GTF2A2: variants seen among roughly 807,000 people sequenced by gnomAD.
The protein encoded by GTF2A2 is transcription initiation factor IIA subunit 2.
In GTF2A2, 9 loss-of-function variants were observed where a neutral mutation model predicts 14.3. That is an observed-to-expected ratio of 0.63 (90% CI 0.38 to 1.10). GTF2A2 has a LOEUF of 1.10. Among genes scored for constraint, GTF2A2 ranks in the 50% least tolerant of loss-of-function variants. The pLI is 0.01. For missense variants in GTF2A2, 90 were observed against 124.6 expected (o/e 0.72, Z 1.32); for synonymous variants, 56 against 46.0 (o/e 1.22, Z -0.88).
intron 1 of GTF2A2, among the ~76,000 whole-genome samples, chr15:59,656,559 G>T (rs1249492379): frequency 6.6e-6 from 1 of 151,698 alleles, no homozygotes; most frequent in Admixed American, 6.6e-5. Flanking sequence ...TAGGCGTCTA[G>T]AACAGTACCT....
At chr15:59,652,078 T>G in intron 2 of GTF2A2, 128 bp downstream of exon 2, 1 of 624,310 alleles carries the variant, frequency 1.6e-6, no homozygotes, top group Non-Finnish European at 2.8e-6. Flanking sequence ...ATTTAATCAG[T>G]GTTACTGACT....
At chr15:59,649,666 GAT>G (rs1234468346) in intron 3 of GTF2A2, among the ~76,000 whole-genome samples, 1 of 152,148 alleles carries the variant, frequency 6.6e-6, no homozygotes, top group Non-Finnish European at 1.5e-5. Flanking sequence ...ACATGAAACT[GAT>G]ATATGAGACT....
Position 59,639,145 on chromosome 15 carries a change from T to C in GTF2A2, c.317A>G (p.Asn106Ser), listed in dbSNP as rs369956750. Residue 106 changes from asparagine (N) to serine (S), a missense_variant, in exon 5 of 5, where the codon AAT (asparagine) becomes AGT (serine). Coordinates refer to ENST00000396060, the MANE Select transcript of GTF2A2 (RefSeq NM_004492.3). The stretch of plus-strand genomic sequence containing the variant: ...TATTTTTTCTATTCATTCTGTAGTA[T>C]TGGAGCCAGTATCTAGGAAACAAAA... ...VACDGKNTGS[N>S]TTE 3.2e-5 allele frequency: 46 copies of C among 1,456,530 alleles called. No homozygotes were observed. Among genetic ancestry groups the C allele is most frequent in the African/African-American group, 7.0e-5 (5 of 71,202 alleles). 90.2% of individuals were successfully genotyped at this position (1,456,530 alleles called of 1,614,324 possible). A position where few individuals can be genotyped will look rare whatever the true frequency, so the allele number is the denominator to read the frequency against.
At chr15:59,654,773 G>C (rs1466905138) in intron 1 of GTF2A2, among the ~76,000 whole-genome samples, 1 of 152,186 alleles carries the variant, frequency 6.6e-6, no homozygotes, top group Non-Finnish European at 1.5e-5. Flanking sequence ...GCCACATCCA[G>C]CTACCTACCA....
intron 3 of GTF2A2, among the ~76,000 whole-genome samples, chr15:59,648,199 G>C (rs550759631): frequency 3.3e-5 from 5 of 151,956 alleles, no homozygotes; most frequent in African/African-American, 9.7e-5. Context: ...ATGAGGTCAG[G>C]AGTTCGAGAC....
intron 1 of GTF2A2, chr15:59,652,901 G>A (rs1891836431): frequency 6.6e-6 from 1 of 152,152 alleles, no homozygotes; most frequent in Admixed American, 6.6e-5. Context: ...CTGTAGAAGT[G>A]AGCTGGCTCA....
chr15:59,648,863 G>A (rs1301701967), intron 3 of GTF2A2, among the ~76,000 whole-genome samples: 10 of 152,060 alleles, frequency 6.6e-5, no homozygotes, highest in Admixed American at 2.6e-4. Context: ...GAACCCGGGA[G>A]GCGGAGCTTG....
chr15:59,638,976 G>GCTACAGAGTTACAAGTTTCTTT lies in GTF2A2; in HGVS notation c.*134_*155dup, dbSNP rs1891282261. 3 of 619,046 alleles carry GCTACAGAGTTACAAGTTTCTTT rather than the reference G, an allele frequency of 4.8e-6. No individual in the cohort carries two copies. Among genetic ancestry groups the GCTACAGAGTTACAAGTTTCTTT allele is most frequent in the Non-Finnish European group, 8.8e-6 (3 of 339,494 alleles). 38.3% of individuals were successfully genotyped at this position (619,046 alleles called of 1,614,324 possible). A position where few individuals can be genotyped will look rare whatever the true frequency, so the allele number is the denominator to read the frequency against. ...CTGTATAATAAAGGTGATGTAAGAG[G>GCTACAGAGTTACAAGTTTCTTT]CTACAGAGTTACAAGTTTCTTTCTA... is the stretch of plus-strand genomic sequence containing the variant. On this transcript the variant is annotated 3_prime_UTR_variant, in exon 5 of 5. Transcript: ENST00000396060.
chr15:59,640,488 A>G (rs1189259198), intron 4 of GTF2A2, among the ~76,000 whole-genome samples: 4 of 152,248 alleles, frequency 2.6e-5, no homozygotes, highest in Admixed American at 6.5e-5. Context: ...ACCACTGGCT[A>G]GCCATATGTG....
intron 4 of GTF2A2, among the ~76,000 whole-genome samples, chr15:59,641,040 A>C (rs1891402845): frequency 6.6e-6 from 1 of 152,186 alleles, no homozygotes; most frequent in Admixed American, 6.5e-5. Context: ...AAAGGGCTTA[A>C]GGTGTAATTT....
At chr15:59,656,780 A>G (rs1473901740) in intron 1 of GTF2A2, 1 of 152,224 alleles carries the variant, frequency 6.6e-6, no homozygotes, top group Non-Finnish European at 1.5e-5. Context: ...CCTGCGTTAA[A>G]CGTTTGTTAA....
intron 3 of GTF2A2, among the ~76,000 whole-genome samples, chr15:59,648,364 C>T (rs1324300320): frequency 2.8e-5 from 4 of 141,718 alleles, no homozygotes; most frequent in African/African-American, 5.3e-5. Flanking sequence ...GCCGAGATTG[C>T]GCCACTGCAT....
rs1566921303 is a variant in GTF2A2 at position 59,638,889 on chromosome 15, T to TA, written c.*242dup. On this transcript the variant is annotated 3_prime_UTR_variant, in exon 5 of 5. Coordinates refer to ENST00000396060, the MANE Select transcript of GTF2A2 (RefSeq NM_004492.3). ...ACTCAGAGTTTTAAAATGAGTTTAT[T>TA]AAAGAAGGTTCTTAGGAAGGCAACA... 1 of 414,196 alleles carries TA rather than the reference T, an allele frequency of 2.4e-6. No individual in the cohort carries two copies. The highest frequency in any genetic ancestry group is 4.2e-5 in the Admixed American group (1 of 23,662). The allele number at this position is 414,196 out of a possible 1,614,324, so 25.7% of individuals were successfully genotyped here.
At chr15:59,642,009 G>C in intron 4 of GTF2A2, 127 bp downstream of exon 4, 1 of 713,700 alleles carries the variant, frequency 1.4e-6, no homozygotes. Flanking sequence ...ATAAAAGCCT[G>C]GGCTTATCTG....
intron 3 of GTF2A2, among the ~76,000 whole-genome samples, chr15:59,646,821 G>C (rs368426048): frequency 1.3e-5 from 2 of 151,958 alleles, no homozygotes; most frequent in Non-Finnish European, 2.9e-5. Flanking sequence ...AAAGGTAAAC[G>C]TAAGAAATAA....
chr15:59,639,123 T>G lies in GTF2A2; in HGVS notation c.*9A>C. On this transcript the variant is annotated 3_prime_UTR_variant, in exon 5 of 5. Transcript: ENST00000396060. ...AGAAGATGGTGTAAAAAAGTCATAT[T>G]TTTTCTATTCATTCTGTAGTATTGG... 4 of 1,425,018 alleles carry G rather than the reference T, an allele frequency of 2.8e-6. No homozygotes were observed. In the South Asian group the frequency reaches 4.6e-5, roughly 16 times the overall value. The allele number at this position is 1,425,018 out of a possible 1,614,324, so 88.3% of individuals were successfully genotyped here. A position where few individuals can be genotyped will look rare whatever the true frequency, so the allele number is the denominator to read the frequency against.
intron 3 of GTF2A2, among the ~76,000 whole-genome samples, chr15:59,642,796 C>CCATCTCTG (rs1891474164): frequency 2.6e-5 from 4 of 152,158 alleles, no homozygotes; most frequent in Non-Finnish European, 5.9e-5. Context: ...GAGATGGAGT[C>CCATCTCTG]TTGCTCTGTT....
At chr15:59,650,235 T>C (rs1221172446) in intron 3 of GTF2A2, among the ~76,000 whole-genome samples, 1 of 152,202 alleles carries the variant, frequency 6.6e-6, no homozygotes, top group African/African-American at 2.4e-5. Flanking sequence ...TCAGCCAAGT[T>C]ACCTAAGAGT....
Position 59,650,840 on chromosome 15 carries a change from T to C in GTF2A2, c.73-67A>G, listed in dbSNP as rs945020739. ...ATTAAAGACAAAGTAAATAAAAATA[T>C]ACAAATTATCATCTAAAATTTAACT... On this transcript the variant is annotated intron_variant, in intron 2 of 4. Coordinates refer to ENST00000396060, the MANE Select transcript of GTF2A2 (RefSeq NM_004492.3). The C allele has an allele frequency of 1.4e-5, 12 of 853,824 alleles. No homozygotes were observed. The African/African-American group carries it at 1.5e-4, about 11-fold the overall frequency. The allele number at this position is 853,824 out of a possible 1,614,324, so 52.9% of individuals were successfully genotyped here.
Sources: gnomAD v4.1 joint callset for allele counts (sites outside exome capture counted in the v4.1 genomes callset) on GRCh38, gnomAD v4.1.1 for gene constraint, MANE v1.5 for transcripts, NCBI Gene and HGNC (gene_info 2026-07-23, HGNC 2026-07-21) for gene names.